The following FRY variants were observed in gnomAD, a reference collection of about 807,000 sequenced individuals.
FRY encodes FRY microtubule binding protein.
A neutral mutation model predicts 348.4 loss-of-function variants in FRY; 128 were observed. That is an observed-to-expected ratio of 0.37 (90% CI 0.32 to 0.43). The LOEUF is 0.43. Ranked by LOEUF, FRY falls within the 20% of genes least tolerant of loss-of-function variation. The pLI is 1.00. For missense variants in FRY, 2,736 were observed against 3,695.2 expected (o/e 0.74, Z 6.73); for synonymous variants, 1,370 against 1,374.7 (o/e 1.00, Z 0.08).
intron 35 of FRY, among the ~76,000 whole-genome samples, chr13:32,214,750 C>T (rs578090404): frequency 1.5e-4 from 23 of 152,308 alleles, no homozygotes; most frequent in African/African-American, 5.5e-4. Context: ...CCTTTCTTTA[C>T]AGTCCTTATA....
chr13:32,224,482 A>C, intron 37 of FRY, 97 bp downstream of exon 37: 1 of 1,106,204 alleles, frequency 9.0e-7, no homozygotes, highest in Non-Finnish European at 1.3e-6. Context: ...ACCACATTAA[A>C]TTATCTTATC....
chr13:32,247,309 T>C lies in FRY; in HGVS notation c.6829-14T>C. ...TAAATTATTTTTAACCCTTGAATGT[T>C]TTATTTCCTGCAGAGTGTTCACTGG... On this transcript the variant is annotated splice_polypyrimidine_tract_variant and intron_variant, in intron 47 of 60. Transcript: ENST00000542859. The C allele has an allele frequency of 6.2e-7, 1 of 1,605,526 alleles. No homozygotes were observed. The highest frequency in any genetic ancestry group is 8.5e-7 in the Non-Finnish European group (1 of 1,172,188).
intron 55 of FRY, among the ~76,000 whole-genome samples, chr13:32,274,451 T>G (rs1298129744): frequency 1.3e-5 from 2 of 152,074 alleles, no homozygotes; most frequent in Admixed American, 6.6e-5. Flanking sequence ...CTCACACCTG[T>G]AATCCCAGCA....
At chr13:32,283,452 G>A (rs1440330655) in intron 58 of FRY, among the ~76,000 whole-genome samples, 2 of 152,152 alleles carry the variant, frequency 1.3e-5, no homozygotes, top group Non-Finnish European at 2.9e-5. Context: ...AATAAAGCTA[G>A]ATAGAAGGGG....
At chr13:32,159,034 CAA>C in intron 16 of FRY, among the ~76,000 whole-genome samples, 1 of 137,540 alleles carries the variant, frequency 7.3e-6, no homozygotes, top group Non-Finnish European at 1.5e-5. Context: ...AGGTTCAGGA[CAA>C]AAACATTATA....
At chr13:32,052,170 G>C in intron 1 of FRY, among the ~76,000 whole-genome samples, 1 of 152,136 alleles carries the variant, frequency 6.6e-6, no homozygotes. Context: ...CTCTTCTATA[G>C]AGTGGACATA....
In FRY at chr13:32,295,375, T is replaced by A; in HGVS notation, c.8957T>A (p.Ile2986Asn). 3.1e-6 allele frequency: 5 copies of A among 1,613,382 alleles called. No individual in the cohort carries two copies. Among genetic ancestry groups the A allele is most frequent in the Non-Finnish European group, 3.4e-6 (4 of 1,179,908 alleles). Reference protein sequence around the residue: ...CTKLMELNMEIRDMIRRAQSY... With the variant: ...CTKLMELNMENRDMIRRAQSY... ...AAGCTGATGGAGCTGAACATGGAGA[T>A]CCGGGACATGATCCGCAGGGCCCAG... The change falls in exon 61 of 61, where the codon ATC becomes AAC. Residue 2986 changes from isoleucine to asparagine, a missense_variant. Coordinates refer to ENST00000542859, the MANE Select transcript of FRY (RefSeq NM_023037.3).
intron 59 of FRY, among the ~76,000 whole-genome samples, chr13:32,293,671 T>C (rs1278517575): frequency 1.3e-5 from 2 of 152,238 alleles, no homozygotes; most frequent in Non-Finnish European, 2.9e-5. Context: ...TTTTTAACAC[T>C]CTGGATCCTT....
chr13:32,243,350 T>C (rs1886612814), intron 46 of FRY, among the ~76,000 whole-genome samples: 1 of 152,234 alleles, frequency 6.6e-6, no homozygotes, highest in Admixed American at 6.5e-5. Context: ...CTTTCTTGTT[T>C]TGTGTATGTT....
intron 55 of FRY, among the ~76,000 whole-genome samples, chr13:32,271,259 C>G (rs1393153394): frequency 6.6e-6 from 1 of 152,240 alleles, no homozygotes; most frequent in East Asian, 1.9e-4. Flanking sequence ...TGGCCACTTA[C>G]TAGCCTGCTA....
Position 32,298,764 on chromosome 13 carries a change from G to T in FRY, c.*3304G>T, listed in dbSNP as rs1417197497. ...AGGAAAAAACACATGCAGAGACCCTGAAGGAGAAGCAGGGTCACTTTGTCA... is the reference window on the plus strand; with the variant it reads ...AGGAAAAAACACATGCAGAGACCCTTAAGGAGAAGCAGGGTCACTTTGTCA... On this transcript the variant is annotated 3_prime_UTR_variant, in exon 61 of 61. Transcript: ENST00000542859. The T allele has an allele frequency of 6.6e-6, 1 of 152,262 alleles. No homozygotes were observed. The highest frequency in any genetic ancestry group is 1.5e-5 in the Non-Finnish European group (1 of 68,072). The allele number at this position is 152,262 out of a possible 1,614,324, so 9.4% of individuals were successfully genotyped here.
chr13:32,083,961 A>G (rs2138552931), intron 2 of FRY, among the ~76,000 whole-genome samples: 1 of 152,270 alleles, frequency 6.6e-6, no homozygotes, highest in South Asian at 2.1e-4. Flanking sequence ...CTGGATAGCT[A>G]CTATGCTACC....
chr13:32,168,032 A>G (rs139841535), intron 17 of FRY, among the ~76,000 whole-genome samples: 3 of 152,300 alleles, frequency 2.0e-5, no homozygotes, highest in South Asian at 2.1e-4. Context: ...AACAGAAACA[A>G]TAAGATGTAT....
intron 51 of FRY, among the ~76,000 whole-genome samples, chr13:32,259,932 TC>T (rs1464676609): frequency 2.4e-4 from 36 of 152,214 alleles, no homozygotes; most frequent in Admixed American, 2.4e-3. Flanking sequence ...GAGTCTGCAT[TC>T]TTTTTTATAA....
At chr13:32,144,173 A>G (rs369526611) in intron 11 of FRY, among the ~76,000 whole-genome samples, 7 of 151,698 alleles carry the variant, frequency 4.6e-5, no homozygotes, top group African/African-American at 9.7e-5. Flanking sequence ...AAAACATTTG[A>G]CAAATTTTAC....
chr13:32,069,095 T>A (rs539454662), intron 1 of FRY, among the ~76,000 whole-genome samples: 136 of 152,212 alleles, frequency 8.9e-4, no homozygotes, highest in African/African-American at 3.1e-3. Context: ...TTTTGTATTT[T>A]TAGTAGAGAC....
chr13:32,100,442 T>A (rs1174416010), intron 2 of FRY, among the ~76,000 whole-genome samples: 2 of 152,022 alleles, frequency 1.3e-5, no homozygotes, highest in African/African-American at 2.4e-5. Context: ...AATTTTACGG[T>A]TTTTATTATG....
intron 17 of FRY, among the ~76,000 whole-genome samples, chr13:32,165,165 T>C (rs947330143): frequency 6.6e-6 from 1 of 152,194 alleles, no homozygotes; most frequent in Non-Finnish European, 1.5e-5. Flanking sequence ...ATGTCATTGG[T>C]TTTATGCAAA....
At chr13:32,166,835 A>G (rs1355203357) in intron 17 of FRY, among the ~76,000 whole-genome samples, 2 of 151,808 alleles carry the variant, frequency 1.3e-5, no homozygotes, top group Non-Finnish European at 2.9e-5. Context: ...CAAACATTCC[A>G]CTTTTATAAC....
Sources: allele counts gnomAD v4.1 joint callset (sites outside exome capture counted in the v4.1 genomes callset), GRCh38; gene constraint gnomAD v4.1.1; transcripts MANE v1.5; gene names NCBI Gene and HGNC (gene_info 2026-07-23, HGNC 2026-07-21).